Variants in TTC29 observed in about 807,000 individuals in gnomAD.
TTC29 encodes tetratricopeptide repeat protein 29.
Under a neutral mutation model 58.1 loss-of-function variants are expected in TTC29, and 49 were observed. That is an observed-to-expected ratio of 0.84 (90% CI 0.67 to 1.07). TTC29 has a LOEUF of 1.07. Among genes scored for constraint, TTC29 ranks in the 50% least tolerant of loss-of-function variants. TTC29 has a pLI of 0.00. For missense variants in TTC29, 582 were observed against 555.6 expected, an observed-to-expected ratio of 1.05 and a Z score of -0.48; for synonymous variants, 209 against 196.8, an observed-to-expected ratio of 1.06 and a Z score of -0.52.
chr4:146,811,650 T>C (rs1413534793), intron 10 of TTC29, among the ~76,000 whole-genome samples: 1 of 152,174 alleles, frequency 6.6e-6, no homozygotes, highest in African/African-American at 2.4e-5. Flanking sequence ...GAAATGAACA[T>C]AAAAACAACA....
chr4:146,715,016 C>A (rs1477617935), intron 11 of TTC29, among the ~76,000 whole-genome samples: 1 of 151,732 alleles, frequency 6.6e-6, no homozygotes, highest in African/African-American at 2.4e-5. Flanking sequence ...AAAAAAAATT[C>A]TTGTAGAGAT....
chr4:146,739,003 A>C (rs1744925049), intron 11 of TTC29, among the ~76,000 whole-genome samples: 1 of 152,236 alleles, frequency 6.6e-6, no homozygotes, highest in African/African-American at 2.4e-5. Flanking sequence ...AAATGTAAAA[A>C]AAAATTATTT....
intron 11 of TTC29, among the ~76,000 whole-genome samples, chr4:146,734,583 A>G (rs1023579820): frequency 1.3e-5 from 2 of 152,102 alleles, no homozygotes; most frequent in East Asian, 3.9e-4. Flanking sequence ...TTGGGGACTG[A>G]ACCCTCAACC....
At chr4:146,920,831 C>G (rs1284697256) in intron 4 of TTC29, among the ~76,000 whole-genome samples, 2 of 150,982 alleles carry the variant, frequency 1.3e-5, no homozygotes, top group Non-Finnish European at 3.0e-5. Flanking sequence ...TATATATATT[C>G]TATATGTCTT....
intron 4 of TTC29, among the ~76,000 whole-genome samples, chr4:146,914,574 C>T (rs1480524598): frequency 3.3e-5 from 5 of 151,966 alleles, no homozygotes; most frequent in Non-Finnish European, 7.4e-5. Flanking sequence ...AGGAAAAAAA[C>T]GTGCCATTCA....
At chr4:146,932,836 C>T (rs1580010393) in intron 4 of TTC29, among the ~76,000 whole-genome samples, 2 of 151,964 alleles carry the variant, frequency 1.3e-5, no homozygotes, top group East Asian at 1.9e-4. Context: ...GTGGGTGGAT[C>T]ACAAGGTCAG....
intron 8 of TTC29, among the ~76,000 whole-genome samples, chr4:146,856,215 A>G (rs1191586508): frequency 6.6e-6 from 1 of 152,172 alleles, no homozygotes; most frequent in Non-Finnish European, 1.5e-5. Flanking sequence ...TCTCACAATG[A>G]GTATCAGAAA....
chr4:146,729,298 A>G (rs1335588206), intron 11 of TTC29, among the ~76,000 whole-genome samples: 2 of 152,174 alleles, frequency 1.3e-5, no homozygotes, highest in African/African-American at 4.8e-5. Context: ...AGTAAAGTTC[A>G]GCATTTTTCA....
chr4:146,934,986 T>A (rs1423900462), intron 4 of TTC29, among the ~76,000 whole-genome samples: 1 of 151,802 alleles, frequency 6.6e-6, no homozygotes, highest in African/African-American at 2.4e-5. Flanking sequence ...CTTGGGTAGA[T>A]CAAAATGGGG....
At chr4:146,744,196 T>A (rs1256506382) in intron 11 of TTC29, among the ~76,000 whole-genome samples, 1 of 152,030 alleles carries the variant, frequency 6.6e-6, no homozygotes, top group Non-Finnish European at 1.5e-5. Context: ...GTTTCCCATG[T>A]GGAAATGTGT....
At position 146,744,222 on chromosome 4, in the gene TTC29, G is replaced by A. The variant is rs190210634; in HGVS notation, c.1331-36671C>T. On this transcript the variant is annotated intron_variant, in intron 11 of 12. Coordinates refer to ENST00000325106, the MANE Select transcript of TTC29 (RefSeq NM_031956.4). ...GGAAATGTGTGCTTAGGATGCGTACGTGTAAGAGAGAGAGAGAGGGAGAGA... is the reference window on the plus strand; with the variant it reads ...GGAAATGTGTGCTTAGGATGCGTACATGTAAGAGAGAGAGAGAGGGAGAGA... Among the ~76,000 whole-genome samples, 82 of 152,182 alleles carry A rather than the reference G, an allele frequency of 5.4e-4. 1 individual carries two copies. The highest frequency in any genetic ancestry group is 1.9e-3 in the African/African-American group (79 of 41,544).
At chr4:146,841,174 C>T (rs1405669830) in intron 8 of TTC29, among the ~76,000 whole-genome samples, 1 of 152,120 alleles carries the variant, frequency 6.6e-6, no homozygotes, top group Non-Finnish European at 1.5e-5. Flanking sequence ...TGTCTTTCTA[C>T]TTTCTGAGCA....
chr4:146,894,543 G>T (rs537069251), intron 6 of TTC29, among the ~76,000 whole-genome samples: 1 of 134,288 alleles, frequency 7.4e-6, no homozygotes, highest in East Asian at 2.6e-4. Context: ...GGTTGGGGGA[G>T]GGGGGAGGGA....
At chr4:146,897,797 G>C (rs1396535317) in intron 6 of TTC29, among the ~76,000 whole-genome samples, 1 of 152,186 alleles carries the variant, frequency 6.6e-6, no homozygotes, top group Non-Finnish European at 1.5e-5. Flanking sequence ...CCAGTAAATG[G>C]AATATTTGTC....
intron 2 of TTC29, among the ~76,000 whole-genome samples, chr4:146,943,753 G>A (rs762669581): frequency 6.6e-6 from 1 of 152,192 alleles, no homozygotes; most frequent in Non-Finnish European, 1.5e-5. Context: ...TGCCTTACAA[G>A]TTCAAGCAGG....
chr4:146,843,317 A>G (rs569952496), intron 8 of TTC29, among the ~76,000 whole-genome samples: 7 of 152,332 alleles, frequency 4.6e-5, no homozygotes, highest in Admixed American at 4.6e-4. Context: ...TTTGTAAATT[A>G]TAATACACAA....
At chr4:146,722,060 AATAGAC>A (rs1288288930) in intron 11 of TTC29, among the ~76,000 whole-genome samples, 5 of 4,620 alleles carry the variant, frequency 1.1e-3, no homozygotes, top group East Asian at 5.1e-3. Flanking sequence ...TCCCATTCAC[AATAGAC>A]ACACACACAC....
intron 6 of TTC29, among the ~76,000 whole-genome samples, chr4:146,900,006 C>G (rs1733035177): frequency 6.6e-6 from 1 of 152,202 alleles, no homozygotes; most frequent in African/African-American, 2.4e-5. Context: ...AGCTGGACCA[C>G]CATCGCCTCA....
At chr4:146,799,534 A>T (rs1750062076) in intron 11 of TTC29, among the ~76,000 whole-genome samples, 1 of 152,236 alleles carries the variant, frequency 6.6e-6, no homozygotes, top group Non-Finnish European at 1.5e-5. Context: ...CTCTTTTAAG[A>T]ATACTAAATG....
Sources: gnomAD v4.1 joint callset for allele counts (sites outside exome capture counted in the v4.1 genomes callset) on GRCh38, gnomAD v4.1.1 for gene constraint, MANE v1.5 for transcripts, NCBI Gene and HGNC (gene_info 2026-07-23, HGNC 2026-07-21) for gene names.